AKAP8: variants seen among roughly 807,000 people sequenced by gnomAD.
The protein encoded by AKAP8 is A-kinase anchoring protein 8, also known as A-kinase anchor protein 8.
In AKAP8, 24 loss-of-function variants were observed where a neutral mutation model predicts 67.5. The ratio of observed to expected loss-of-function variants is 0.36; its 90% CI spans 0.26 to 0.50. The LOEUF (loss-of-function observed/expected upper bound fraction) is 0.50, where lower values mean the gene tolerates loss of function less well. Among genes scored for constraint, AKAP8 ranks in the 20% least tolerant of loss-of-function variants. The pLI is 0.97. For synonymous variants in AKAP8, 400 were observed against 371.1 expected (o/e 1.08, Z -0.90); for missense variants, 971 against 955.9 (o/e 1.02, Z -0.21).
chr19:15,372,420 G>C, intron 5 of AKAP8, 73 bp from the exon 6 acceptor site: 2 of 1,579,386 alleles, frequency 1.3e-6, no homozygotes, highest in Admixed American at 1.7e-5. Context: ...AGAACAAGGA[G>C]GTTGTAGGAT....
At chr19:15,372,169 A>G (rs1476927533) in intron 6 of AKAP8, 49 bp downstream of exon 6, 1 of 1,610,034 alleles carries the variant, frequency 6.2e-7, no homozygotes. Context: ...CCCAGCAGGC[A>G]GCCGACCCAT....
intron 7 of AKAP8, among the ~76,000 whole-genome samples, chr19:15,370,981 A>C (rs150127439): frequency 2.8e-4 from 43 of 152,298 alleles, no homozygotes; most frequent in African/African-American, 9.6e-4. Context: ...AAACGATTCA[A>C]CTGAGAATCT....
At chr19:15,359,362 G>A (rs1396983191) in intron 12 of AKAP8, among the ~76,000 whole-genome samples, 2 of 152,214 alleles carry the variant, frequency 1.3e-5, no homozygotes, top group Admixed American at 6.5e-5. Context: ...ACTCAGTGGA[G>A]GAAAAGGACA....
At position 15,369,366 on chromosome 19, in the gene AKAP8, T is replaced by A; in HGVS notation, c.1072+780A>T. On this transcript the variant is annotated intron_variant, in intron 8 of 13. Transcript: ENST00000269701. The surrounding 1 kb of genome is among the most constrained non-coding windows in gnomAD (Gnocchi z 4.6). ...GCAAAGCCTGAACAGGAGGAACATC[T>A]AAGCCAAGGGCCTTCAGAATGGATG... The A allele has an allele frequency of 3.1e-6, 2 of 637,252 alleles. No individual in the cohort carries two copies. Among genetic ancestry groups the A allele is most frequent in the Non-Finnish European group, 3.9e-6 (2 of 511,800 alleles). The allele number at this position is 637,252 out of a possible 1,614,324, so 39.5% of individuals were successfully genotyped here. A position where few individuals can be genotyped will look rare whatever the true frequency, so the allele number is the denominator to read the frequency against.
chr19:15,363,345 G>T (rs1293879360), intron 9 of AKAP8, among the ~76,000 whole-genome samples: 4 of 77,394 alleles, frequency 5.2e-5, no homozygotes, highest in African/African-American at 2.1e-4. Context: ...CTCCGTCCGG[G>T]AGGGAGGTGG....
At chr19:15,376,111 G>C (rs922282078) in intron 2 of AKAP8, among the ~76,000 whole-genome samples, 1 of 152,026 alleles carries the variant, frequency 6.6e-6, no homozygotes, top group Admixed American at 6.6e-5. Context: ...TCATTAGTTG[G>C]ATAAAAGGAT....
intron 4 of AKAP8, among the ~76,000 whole-genome samples, 188 bp from the exon 5 acceptor site, chr19:15,373,528 C>T (rs1195126286): frequency 1.3e-5 from 2 of 152,150 alleles, no homozygotes; most frequent in Non-Finnish European, 2.9e-5. Flanking sequence ...GGGACAGAGC[C>T]CCTGGCCACA....
Position 15,355,073 on chromosome 19 carries a change from T to G in AKAP8, c.1921A>C (p.Lys641Gln), listed in dbSNP as rs1392876105. 6.2e-7 allele frequency: 1 copy of G among 1,613,962 alleles called. No homozygotes were observed. Among genetic ancestry groups the G allele is most frequent in the Non-Finnish European group, 8.5e-7 (1 of 1,180,050 alleles). Reference protein sequence around the residue: ...CGTAHEKGVPKARSEAAEAGN... With the variant: ...CGTAHEKGVPQARSEAAEAGN... ...GCCTCTGCAGCCTCACTTCTGGCCT[T>G]GGGGACGCCCTTCTCATGTGCCGTT... The change falls in exon 14 of 14, where the codon AAG becomes CAG. Residue 641 changes from lysine to glutamine, a missense_variant. Physicochemically the swap from Lys to Gln is moderately conservative, Grantham distance 53. Around this residue, in one of 3 missense-constraint regions of AKAP8, gnomAD observed 204 missense variants for 193.0 expected, o/e 1.06. Transcript: ENST00000269701.
Position 15,375,567 on chromosome 19 carries a change from T to C in AKAP8, c.59-932A>G, listed in dbSNP as rs118080900. Among the ~76,000 whole-genome samples the C allele has an allele frequency of 5.8e-3, 883 of 152,034 alleles. 7 individuals are homozygous for C. The highest frequency in any genetic ancestry group is 8.3e-3 in the Non-Finnish European group (567 of 68,018). ...ACAAATTAACAAAAACTATGAGCTA[T>C]AGTGAATAATATCACATCAACATTG... is the stretch of plus-strand genomic sequence containing the variant. On this transcript the variant is annotated intron_variant, in intron 2 of 13. Transcript: ENST00000269701.
chr19:15,374,170 G>T, intron 3 of AKAP8, 105 bp from the exon 4 acceptor site: 1 of 1,341,520 alleles, frequency 7.5e-7, no homozygotes, highest in Non-Finnish European at 1.0e-6. Flanking sequence ...AGGAAAACGG[G>T]TGTGGGACCC....
At position 15,373,937 on chromosome 19, in the gene AKAP8, C is replaced by T; in HGVS notation, c.220G>A (p.Ala74Thr). The T allele has an allele frequency of 6.2e-6, 10 of 1,613,784 alleles. No individual in the cohort carries two copies. Among genetic ancestry groups the T allele is most frequent in the African/African-American group, 1.3e-5 (1 of 75,056 alleles). The change falls in exon 4 of 14, where the codon GCC becomes ACC. Residue 74 changes from alanine (A) to threonine (T), a missense_variant. By Grantham distance (58) the Ala-to-Thr change is moderately conservative. Around this residue, in one of 3 missense-constraint regions of AKAP8, gnomAD observed 763 missense variants for 745.4 expected, o/e 1.02. Coordinates refer to ENST00000269701, the MANE Select transcript of AKAP8 (RefSeq NM_005858.4). The stretch of plus-strand genomic sequence containing the variant: ...GGGCCGTAAGAGGCCATGTGCATGG[C>T]AGGGGCCCCGGCCGCCAGGCCGCCA... ...NDGGLAAGAP[A>T]MHMASYGPEP...
chr19:15,353,505 T>C lies in AKAP8; in HGVS notation c.*1410A>G, dbSNP rs767825869. ...AACACAAACGGATGCTGAGCAGAAA[T>C]GACCCAGAGGCACCATCGTCTTTTC... On this transcript the variant is annotated 3_prime_UTR_variant, in exon 14 of 14. Coordinates refer to ENST00000269701, the MANE Select transcript of AKAP8 (RefSeq NM_005858.4). 1.4e-4 allele frequency: 22 copies of C among 152,036 alleles called. No homozygotes were observed. Among genetic ancestry groups the C allele is most frequent in the Non-Finnish European group, 2.9e-4 (20 of 68,022 alleles). The allele number at this position is 152,036 out of a possible 1,614,324, so 9.4% of individuals were successfully genotyped here.
chr19:15,372,135 G>T, intron 6 of AKAP8, 83 bp downstream of exon 6: 1 of 1,607,942 alleles, frequency 6.2e-7, no homozygotes, highest in Non-Finnish European at 8.5e-7. Flanking sequence ...GAGTGTCCAC[G>T]ACACAGATGG....
intron 13 of AKAP8, among the ~76,000 whole-genome samples, chr19:15,355,926 G>C (rs1464147575): frequency 1.3e-5 from 2 of 151,876 alleles, no homozygotes; most frequent in Non-Finnish European, 2.9e-5. Context: ...AGTGGAGACG[G>C]GGTTTCACCA....
At chr19:15,379,640 C>A in intron 1 of AKAP8, 73 bp downstream of exon 1, 1 of 1,529,858 alleles carries the variant, frequency 6.5e-7, no homozygotes. Flanking sequence ...CGGCCGGCGG[C>A]AGTCTGCGCA....
chr19:15,373,569 CG>C, intron 4 of AKAP8: 1 of 904,160 alleles, frequency 1.1e-6, no homozygotes, highest in Non-Finnish European at 1.6e-6. Context: ...AAAGGAGTCT[CG>C]GGGAGCTTAG....
At chr19:15,367,063 A>G (rs1338496446) in intron 9 of AKAP8, among the ~76,000 whole-genome samples, 3 of 152,004 alleles carry the variant, frequency 2.0e-5, no homozygotes, top group African/African-American at 7.2e-5. Context: ...ACCTGCCACC[A>G]TGCCTGGCTA....
chr19:15,377,320 C>T (rs1467795977), intron 1 of AKAP8, among the ~76,000 whole-genome samples: 1 of 152,200 alleles, frequency 6.6e-6, no homozygotes, highest in Admixed American at 6.5e-5. Flanking sequence ...GAGGCTAACA[C>T]AAGACAATCC....
At chr19:15,379,415 G>C (rs1420435795) in intron 1 of AKAP8, 3 of 384,270 alleles carry the variant, frequency 7.8e-6, no homozygotes, top group Non-Finnish European at 1.4e-5. Flanking sequence ...GAAGGTGAGG[G>C]GCAAAAACGG....
Sources: gnomAD v4.1 joint callset for allele counts (sites outside exome capture counted in the v4.1 genomes callset) on GRCh38, gnomAD v4.1.1 for gene constraint, gnomAD v4.1.1 regional missense constraint, Gnocchi (gnomAD v3.1) non-coding constraint, MANE v1.5 for transcripts, NCBI Gene and HGNC (gene_info 2026-07-23, HGNC 2026-07-21) for gene names.